PXK: variants seen among roughly 807,000 people sequenced by gnomAD.
PXK encodes PX domain-containing protein kinase-like protein.
Under a neutral mutation model 84.7 loss-of-function variants are expected in PXK, and 35 were observed. The ratio of observed to expected loss-of-function variants is 0.41; its 90% CI spans 0.32 to 0.55. The LOEUF is 0.55. PXK is among the 20% of genes least tolerant of loss of function. The probability of loss-of-function intolerance (pLI) is 0.21; values close to 1 mark genes in which losing one functional copy is unlikely to be tolerated. For synonymous variants in PXK, 253 were observed against 260.8 expected (o/e 0.97, Z 0.29); for missense variants, 634 against 699.7 (o/e 0.91, Z 1.06).
At chr3:58,380,783 T>C (rs1028851271) in intron 3 of PXK, among the ~76,000 whole-genome samples, 4 of 151,676 alleles carry the variant, frequency 2.6e-5, no homozygotes, top group African/African-American at 9.7e-5. Context: ...AGGGAGACTC[T>C]GTCTCAAAGT....
chr3:58,412,821 C>A lies in PXK; in HGVS notation c.1466-80C>A. 1.4e-6 allele frequency: 2 copies of A among 1,386,190 alleles called. No homozygotes were observed. Among genetic ancestry groups the A allele is most frequent in the Non-Finnish European group, 2.1e-6 (2 of 972,920 alleles). The allele number at this position is 1,386,190 out of a possible 1,614,324, so 85.9% of individuals were successfully genotyped here. Reference sequence around the variant, plus strand: ...ACTAAGCCAAATGTAGATTCTCAGACAGCAGTGGGTCCCAGCCTGGGCCAA... The same window carrying A: ...ACTAAGCCAAATGTAGATTCTCAGAAAGCAGTGGGTCCCAGCCTGGGCCAA... On this transcript the variant is annotated intron_variant, in intron 16 of 17. Transcript: ENST00000356151. The surrounding 1 kb of genome is among the most constrained non-coding windows in gnomAD (Gnocchi z 6.2).
Position 58,385,982 on chromosome 3 carries a change from A to G in PXK, c.388+3282A>G, listed in dbSNP as rs1269549665. 6.6e-6 allele frequency among the ~76,000 whole-genome samples: 1 copy of G among 151,866 alleles called. No individual in the cohort carries two copies. Among genetic ancestry groups the G allele is most frequent in the Non-Finnish European group, 1.5e-5 (1 of 67,976 alleles). On this transcript the variant is annotated intron_variant, in intron 4 of 17. Coordinates refer to ENST00000356151, the MANE Select transcript of PXK (RefSeq NM_017771.5). This position sits in a 1 kb window ranked among gnomAD's most constrained non-coding sequence, Gnocchi z 5.1. ...GGTGAGGGTGTCTTGTTGGAGGGGG[A>G]CTGTGATGGCATTCTGCTCCCAGGG... is the stretch of plus-strand genomic sequence containing the variant.
At chr3:58,368,789 T>C (rs2098319356) in intron 2 of PXK, among the ~76,000 whole-genome samples, 4 of 152,248 alleles carry the variant, frequency 2.6e-5, no homozygotes, top group Non-Finnish European at 4.4e-5. Context: ...AGTCAAACTA[T>C]TCAAACCAAA....
chr3:58,381,555 C>CAAAAAAAA (rs34125797), intron 3 of PXK, among the ~76,000 whole-genome samples: 4 of 120,902 alleles, frequency 3.3e-5, no homozygotes, highest in South Asian at 5.4e-4. Context: ...AATAGAAAAC[C>CAAAAAAAA]AAAAAAAAAA....
At chr3:58,387,302 C>T (rs2098559584) in intron 4 of PXK, among the ~76,000 whole-genome samples, 1 of 152,220 alleles carries the variant, frequency 6.6e-6, no homozygotes, top group African/African-American at 2.4e-5. Flanking sequence ...TCATGGATTT[C>T]ATGTTCTAAT....
In PXK at chr3:58,397,005, G is replaced by A. The variant is rs2057778920; in HGVS notation, c.823-34G>A. The A allele has an allele frequency of 1.3e-6, 2 of 1,582,190 alleles. No homozygotes were observed. The highest frequency in any genetic ancestry group is 1.7e-4 in the Middle Eastern group (1 of 5,932). ...ACTTGTCTTATATCTGAATGAGTTT[G>A]GGGAAAATGTAACTTTCCCATATGT... On this transcript the variant is annotated intron_variant, in intron 9 of 17. Transcript: ENST00000356151. This position sits in a 1 kb window ranked among gnomAD's most constrained non-coding sequence, Gnocchi z 4.7.
chr3:58,407,244 A>G lies in PXK; in HGVS notation c.1231-1680A>G, dbSNP rs1308679903. 6.6e-6 allele frequency among the ~76,000 whole-genome samples: 1 copy of G among 152,184 alleles called. No homozygotes were observed. The highest frequency in any genetic ancestry group is 2.4e-5 in the African/African-American group (1 of 41,444). On this transcript the variant is annotated intron_variant, in intron 13 of 17. Coordinates refer to ENST00000356151, the MANE Select transcript of PXK (RefSeq NM_017771.5). The surrounding 1 kb of genome is among the most constrained non-coding windows in gnomAD (Gnocchi z 4.3). Reference sequence around the variant, plus strand: ...TTATTTTATTATTTTAATAGTGGCTATCCTAATGGCTGTGAGGTGATGTCT... The same window carrying G: ...TTATTTTATTATTTTAATAGTGGCTGTCCTAATGGCTGTGAGGTGATGTCT...
At chr3:58,369,102 A>G (rs2098324813) in intron 2 of PXK, among the ~76,000 whole-genome samples, 1 of 151,922 alleles carries the variant, frequency 6.6e-6, no homozygotes, top group Non-Finnish European at 1.5e-5. Flanking sequence ...TTTTTAAGTC[A>G]TTCATCTTTC....
intron 17 of PXK, chr3:58,422,775 A>G (rs2062110744): frequency 1.0e-6 from 1 of 985,312 alleles, no homozygotes. Context: ...CCAGCCCCCC[A>G]AAATCCTTGC....
intron 7 of PXK, among the ~76,000 whole-genome samples, chr3:58,394,247 A>C (rs1340979663): frequency 5.9e-5 from 9 of 152,216 alleles, no homozygotes; most frequent in Admixed American, 5.9e-4. Flanking sequence ...CCTTTGAGCT[A>C]GTGAACATTG....
chr3:58,336,391 T>G (rs12495873), intron 1 of PXK, among the ~76,000 whole-genome samples: 34,596 of 152,032 alleles, frequency 0.23, 5,847 homozygotes, highest in East Asian at 0.81. Flanking sequence ...TGTGCTTTGC[T>G]GATGCTGATG....
chr3:58,342,694 T>G (rs1271809866), intron 1 of PXK, among the ~76,000 whole-genome samples: 3 of 151,746 alleles, frequency 2.0e-5, no homozygotes, highest in Non-Finnish European at 4.4e-5. Flanking sequence ...ACTGTAAACT[T>G]GGAGTATTAC....
chr3:58,335,489 T>C (rs903359664), intron 1 of PXK, among the ~76,000 whole-genome samples: 1 of 152,194 alleles, frequency 6.6e-6, no homozygotes, highest in African/African-American at 2.4e-5. Flanking sequence ...TTGGAAATTA[T>C]TTTGGAAAGA....
intron 1 of PXK, among the ~76,000 whole-genome samples, chr3:58,360,768 G>T (rs1029864237): frequency 6.6e-6 from 1 of 151,160 alleles, no homozygotes; most frequent in Non-Finnish European, 1.5e-5. Flanking sequence ...GGAGGTGGAG[G>T]TTACAGTGAG....
chr3:58,334,653 T>C (rs1035749568), intron 1 of PXK, among the ~76,000 whole-genome samples: 1 of 152,180 alleles, frequency 6.6e-6, no homozygotes, highest in African/African-American at 2.4e-5. Flanking sequence ...CACCTTAATC[T>C]TGATTAGTTT....
At chr3:58,368,568 C>T (rs1009051057) in intron 2 of PXK, among the ~76,000 whole-genome samples, 12 of 150,160 alleles carry the variant, frequency 8.0e-5, no homozygotes, top group Non-Finnish European at 1.6e-4. Context: ...GTGATCCACC[C>T]GCCTTAGCCT....
Position 58,382,605 on chromosome 3 carries a change from A to G in PXK, c.293A>G (p.Asn98Ser). The G allele has an allele frequency of 6.2e-7, 1 of 1,608,390 alleles. No individual in the cohort carries two copies. The highest frequency in any genetic ancestry group is 8.5e-7 in the Non-Finnish European group (1 of 1,178,268). The change falls in exon 4 of 18, where the codon AAC becomes AGC. Residue 98 changes from asparagine to serine, a missense_variant. This residue lies in a region of PXK where 353 missense variants were observed against 385.2 expected (regional missense o/e 0.92). Coordinates refer to ENST00000356151, the MANE Select transcript of PXK (RefSeq NM_017771.5). Reference protein sequence around the residue: ...FIAERQKGLQNYLNVITTNHI... With the variant: ...FIAERQKGLQSYLNVITTNHI... ...GCTGAAAGGCAGAAAGGTCTTCAGA[A>G]CTATCTCAACGTGATCACAACAAAT...
In PXK at chr3:58,395,070, G is replaced by A. The variant is rs371239729; in HGVS notation, c.688G>A (p.Glu230Lys). The change falls in exon 8 of 18, where the codon GAA becomes AAA. Residue 230 changes from glutamate to lysine, a missense_variant. By Grantham distance (56) the Glu-to-Lys change is moderately conservative. Coordinates refer to ENST00000356151, the MANE Select transcript of PXK (RefSeq NM_017771.5). ...SSALLIRMFN[E>K]KGTLKDLIYK... is the part of the protein sequence containing the mutation. Reference sequence around the variant, plus strand: ...AGCGTTGCTAATTAGGATGTTTAACGAAAAGGGAACATTGAAGGATCTGAT... The same window carrying A: ...AGCGTTGCTAATTAGGATGTTTAACAAAAAGGGAACATTGAAGGATCTGAT... The A allele has an allele frequency of 1.5e-5, 24 of 1,612,890 alleles. No homozygotes were observed. The highest frequency in any genetic ancestry group is 2.0e-5 in the Non-Finnish European group (23 of 1,179,038).
intron 17 of PXK, chr3:58,422,937 C>T: frequency 1.0e-6 from 1 of 985,452 alleles, no homozygotes. Flanking sequence ...CCTGGAGCTC[C>T]TTCTGTTACA....
Sources: gnomAD v4.1 joint callset for allele counts (sites outside exome capture counted in the v4.1 genomes callset) on GRCh38, gnomAD v4.1.1 for gene constraint, gnomAD v4.1.1 regional missense constraint, Gnocchi (gnomAD v3.1) non-coding constraint, MANE v1.5 for transcripts, NCBI Gene and HGNC (gene_info 2026-07-23, HGNC 2026-07-21) for gene names.